ADAMTS10: variants seen among roughly 807,000 people sequenced by gnomAD.
ADAMTS10 encodes the protein ADAM metallopeptidase with thrombospondin type 1 motif 10.
In ADAMTS10, 48 loss-of-function variants were observed where a neutral mutation model predicts 135.9. The ratio of observed to expected loss-of-function variants is 0.35; its 90% CI spans 0.28 to 0.45. The LOEUF (loss-of-function observed/expected upper bound fraction) is 0.45, where lower values mean the gene tolerates loss of function less well. ADAMTS10 is among the 20% of genes least tolerant of loss of function. ADAMTS10 has a pLI of 1.00. For missense variants in ADAMTS10, 1,131 were observed against 1,565.2 expected (o/e 0.72, Z 4.68); for synonymous variants, 621 against 647.5 (o/e 0.96, Z 0.62).
At chr19:8,595,714 AG>A in intron 12 of ADAMTS10, 47 bp downstream of exon 12, 1 of 618,524 alleles carries the variant, frequency 1.6e-6, no homozygotes, top group African/African-American at 2.7e-5. Context: ...CCCCAGCCCC[AG>A]CGGCCCCCTC....
At chr19:8,602,301 G>T (rs961106431) in intron 5 of ADAMTS10, among the ~76,000 whole-genome samples, 1 of 152,018 alleles carries the variant, frequency 6.6e-6, no homozygotes, top group African/African-American at 2.4e-5. Flanking sequence ...ACACTGTTCT[G>T]CTTTTCCATC....
At chr19:8,592,543 G>T (rs1227507175) in intron 13 of ADAMTS10, among the ~76,000 whole-genome samples, 2 of 151,898 alleles carry the variant, frequency 1.3e-5, no homozygotes, top group African/African-American at 4.8e-5. Flanking sequence ...GAGTTAAACA[G>T]TAGGCGTGGC....
At chr19:8,600,454 CTT>C (rs1295372793) in intron 6 of ADAMTS10, among the ~76,000 whole-genome samples, 3 of 143,382 alleles carry the variant, frequency 2.1e-5, no homozygotes, top group African/African-American at 7.6e-5. Context: ...CTTCCTCTCT[CTT>C]TCTTTCTTTT....
At position 8,605,395 on chromosome 19, in the gene ADAMTS10, G is replaced by T; in HGVS notation, c.89-37C>A. On this transcript the variant is annotated intron_variant, in intron 3 of 25. Transcript: ENST00000597188. The surrounding 1 kb of genome is among the most constrained non-coding windows in gnomAD (Gnocchi z 7.7). ...GGTCAGAGGCCTGGGGTGGGCCCTG[G>T]TCTTATTGGACCCCTGTGTCCTGGC... The T allele has an allele frequency of 1.3e-6, 2 of 1,548,840 alleles. No homozygotes were observed. Among genetic ancestry groups the T allele is most frequent in the Non-Finnish European group, 1.8e-6 (2 of 1,141,702 alleles).
Position 8,584,948 on chromosome 19 carries a change from G to A in ADAMTS10, c.3149C>T (p.Thr1050Met), listed in dbSNP as rs916677846. ...ECTEALRPPT[T>M]QQCEAKCDSP... ...GTCGCACTTGGCCTCACACTGCTGC[G>A]TGGTGGGCGGCCGCAGGGCCTCCGT... is the stretch of plus-strand genomic sequence containing the variant. The change falls in exon 25 of 26, where the codon ACG (threonine) becomes ATG (methionine). Residue 1050 changes from threonine to methionine, a missense_variant. Physicochemically the swap from Thr to Met is moderately conservative, Grantham distance 81. Coordinates refer to ENST00000597188, the MANE Select transcript of ADAMTS10 (RefSeq NM_030957.4). The A allele has an allele frequency of 2.1e-5, 32 of 1,548,254 alleles. No homozygotes were observed. Among genetic ancestry groups the A allele is most frequent in the Non-Finnish European group, 2.7e-5 (31 of 1,146,424 alleles).
intron 17 of ADAMTS10, 28 bp from the exon 18 acceptor site, chr19:8,589,393 A>ACCCCCAAAACCCCCCCCCC: frequency 3.1e-6 from 5 of 1,601,606 alleles, no homozygotes; most frequent in Non-Finnish European, 3.4e-6. Context: ...GAGTGAGGCG[A>ACCCCCAAAACCCCCCCCCC]CCCCCTAACC....
At chr19:8,593,525 G>C (rs2042568690) in intron 12 of ADAMTS10, 1 of 153,346 alleles carries the variant, frequency 6.5e-6, no homozygotes, top group Non-Finnish European at 1.5e-5. Flanking sequence ...AGTTAGGTCT[G>C]TGTGGGACAT....
rs150459094 is a variant in ADAMTS10, at chr19:8,601,546, G to A, written c.593-401C>T. ...CTGGCTAATTTTTGTATTTTTAATT[G>A]AGACTGCATTTCACCATGTTGGCCA... On this transcript the variant is annotated intron_variant, in intron 5 of 25. Coordinates refer to ENST00000597188, the MANE Select transcript of ADAMTS10 (RefSeq NM_030957.4). The surrounding 1 kb of genome is among the most constrained non-coding windows in gnomAD (Gnocchi z 4.6). 7.6e-4 allele frequency among the ~76,000 whole-genome samples: 115 copies of A among 151,926 alleles called. No homozygotes were observed. The highest frequency in any genetic ancestry group is 2.6e-3 in the African/African-American group (107 of 41,402).
intron 5 of ADAMTS10, among the ~76,000 whole-genome samples, chr19:8,602,509 C>T (rs537584445): frequency 3.6e-4 from 54 of 152,030 alleles, no homozygotes; most frequent in African/African-American, 1.3e-3. Flanking sequence ...TTAGTAAAGA[C>T]GGGGTTTCGC....
In ADAMTS10 at chr19:8,586,452, G is replaced by C. The variant is rs781798823; in HGVS notation, c.2422C>G (p.Leu808Val). 7 of 1,613,676 alleles carry C rather than the reference G, an allele frequency of 4.3e-6. No individual in the cohort carries two copies. The highest frequency in any genetic ancestry group is 5.9e-6 in the Non-Finnish European group (7 of 1,180,008). The change falls in exon 21 of 26, where the codon CTG becomes GTG. Residue 808 changes from leucine to valine, a missense_variant. Physicochemically the swap from Leu to Val is conservative, Grantham distance 32. Transcript: ENST00000597188. ...TTGAAGCGGTAGCGGAGGGCAGGCA[G>C]CTCGGTCCGGGCCAGCACCTGGAGA... ...LIVMVLARTELPALRYRFNAP... is the reference protein window; with the variant it reads ...LIVMVLARTEVPALRYRFNAP...
intron 5 of ADAMTS10, among the ~76,000 whole-genome samples, chr19:8,603,137 GA>G (rs1180978277): frequency 6.6e-6 from 1 of 152,166 alleles, no homozygotes; most frequent in African/African-American, 2.4e-5. Flanking sequence ...CCTAGAGAAG[GA>G]ATGGTTTTAT....
intron 12 of ADAMTS10, 69 bp downstream of exon 12, chr19:8,595,693 G>T: frequency 2.2e-6 from 3 of 1,343,768 alleles, no homozygotes; most frequent in Non-Finnish European, 2.0e-6. Context: ...GTGCCCTGGT[G>T]GAGTTCCCTC....
intron 5 of ADAMTS10, among the ~76,000 whole-genome samples, chr19:8,602,590 G>A (rs1331869797): frequency 6.6e-6 from 1 of 151,934 alleles, no homozygotes; most frequent in African/African-American, 2.4e-5. Flanking sequence ...CAAAATGCTG[G>A]GATTACAGGC....
intron 25 of ADAMTS10, chr19:8,582,676 T>A (rs2042369599): frequency 6.6e-6 from 1 of 151,856 alleles, no homozygotes; most frequent in Non-Finnish European, 1.5e-5. Context: ...GGATTTTTTT[T>A]TTTTTTTTGG....
chr19:8,600,487 T>C (rs1356072592), intron 6 of ADAMTS10, among the ~76,000 whole-genome samples: 2 of 144,294 alleles, frequency 1.4e-5, no homozygotes, highest in African/African-American at 5.4e-5. Flanking sequence ...CTGTCTTTTC[T>C]TTTCTTTCTT....
Position 8,589,982 on chromosome 19 carries a change from G to A in ADAMTS10, c.1807C>T (p.Pro603Ser). 3 of 1,613,602 alleles carry A rather than the reference G, an allele frequency of 1.9e-6. No individual in the cohort carries two copies. Among genetic ancestry groups the A allele is most frequent in the Non-Finnish European group, 2.5e-6 (3 of 1,179,920 alleles). The change falls in exon 16 of 26, where the codon CCT (proline) becomes TCT (serine). Residue 603 changes from proline to serine, a missense_variant. Physicochemically the swap from Pro to Ser is moderately conservative, Grantham distance 74 (BLOSUM62 -1). This residue lies in a region of ADAMTS10 where 745 missense variants were observed against 1,056.3 expected (regional missense o/e 0.71). Coordinates refer to ENST00000597188, the MANE Select transcript of ADAMTS10 (RefSeq NM_030957.4). ...ACTTCTCTGAAGTCCTGGGAGCCAG[G>A]GGGACAGTCCTGGGGGCAGGAGAGG... The part of the protein sequence containing the change: ...HRSCNTDDCP[P>S]GSQDFREVQC...
chr19:8,585,583 C>T lies in ADAMTS10; in HGVS notation c.2738G>A (p.Arg913His). 1 of 1,608,174 alleles carries T rather than the reference C, an allele frequency of 6.2e-7. No individual in the cohort carries two copies. The stretch of plus-strand genomic sequence containing the variant: ...CTTCTCCTCCGCGGCAGAGACGCGG[C>T]GCTGGCACACGACCGAGCGGCTGCG... ...GVRSRSVVCQ[R>H]RVSAAEEKAL... Residue 913 changes from arginine (R) to histidine (H), a missense_variant, in exon 23 of 26, where the codon CGC becomes CAC. Physicochemically the swap from Arg to His is conservative, Grantham distance 29. This residue lies in a region of ADAMTS10 where 745 missense variants were observed against 1,056.3 expected (regional missense o/e 0.71). Transcript: ENST00000597188.
intron 25 of ADAMTS10, among the ~76,000 whole-genome samples, chr19:8,584,422 G>A (rs575643211): frequency 6.6e-6 from 1 of 151,922 alleles, no homozygotes; most frequent in Admixed American, 6.6e-5. Context: ...TGAGGTGGGA[G>A]GATCGCTTGA....
intron 1 of ADAMTS10, among the ~76,000 whole-genome samples, chr19:8,610,273 C>G (rs1285128123): frequency 6.6e-6 from 1 of 151,982 alleles, no homozygotes; most frequent in African/African-American, 2.4e-5. Context: ...CACACAAACC[C>G]AGACACACAC....
Sources: gnomAD v4.1 joint callset for allele counts (sites outside exome capture counted in the v4.1 genomes callset) on GRCh38, gnomAD v4.1.1 for gene constraint, gnomAD v4.1.1 regional missense constraint, Gnocchi (gnomAD v3.1) non-coding constraint, MANE v1.5 for transcripts, NCBI Gene and HGNC (gene_info 2026-07-23, HGNC 2026-07-21) for gene names.